The following GOLGA8J variants were observed in gnomAD, a reference collection of about 807,000 sequenced individuals.
The protein encoded by GOLGA8J is golgin A8 family member J, also known as golgin subfamily A member 8J.
Under a neutral mutation model 67.7 loss-of-function variants are expected in GOLGA8J, and 19 were observed. The ratio of observed to expected loss-of-function variants is 0.28; its 90% CI spans 0.20 to 0.41. GOLGA8J has a LOEUF of 0.41. Among genes scored for constraint, GOLGA8J ranks in the 10% least tolerant of loss-of-function variants. The pLI, the probability that GOLGA8J is intolerant of heterozygous loss-of-function variation, is 1.00. For missense variants in GOLGA8J, 205 were observed against 584.3 expected, an observed-to-expected ratio of 0.35 and a Z score of 6.69; for synonymous variants, 69 against 215.9, an observed-to-expected ratio of 0.32 and a Z score of 5.97.
rs1284902693 is a variant in GOLGA8J, at chr15:30,095,496, G to A, written c.*1997G>A. The stretch of plus-strand genomic sequence containing the variant: ...TAATGCAGCTAATTAACAGTGGTAC[G>A]ATTTGTAGCCCGTGGGTTTAAAATG... On this transcript the variant is annotated 3_prime_UTR_variant, in exon 19 of 19. Coordinates refer to ENST00000567927, the MANE Select transcript of GOLGA8J (RefSeq NM_001282472.2). 1.4e-5 allele frequency among the ~76,000 whole-genome samples: 2 copies of A among 145,426 alleles called. No homozygotes were observed. The highest frequency in any genetic ancestry group is 2.2e-4 in the South Asian group (1 of 4,542).
chr15:30,088,940 AGT>A lies in GOLGA8J; in HGVS notation c.687_688del (p.Glu229AspfsTer11), dbSNP rs2057367009. 1 of 1,518,856 alleles carries A rather than the reference AGT, an allele frequency of 6.6e-7. No individual in the cohort carries two copies. The highest frequency in any genetic ancestry group is 2.6e-5 in the African/African-American group (1 of 39,000). The allele number at this position is 1,518,856 out of a possible 1,614,324, so 94.1% of individuals were successfully genotyped here. A position where few individuals can be genotyped will look rare whatever the true frequency, so the allele number is the denominator to read the frequency against. On this transcript the variant is annotated frameshift_variant, in exon 10 of 19. Transcript: ENST00000567927. LOFTEE classifies it high-confidence loss of function. ...CTGTGCCCATTCTTGCAGTTCAAGG[AGT>A]CATTTCAACAAGTCCAATTAGAAAG...
In GOLGA8J at chr15:30,094,684, T is replaced by G. The variant is rs2057450659; in HGVS notation, c.*1185T>G. On this transcript the variant is annotated 3_prime_UTR_variant, in exon 19 of 19. Transcript: ENST00000567927. ...TCTAGACCTCTTTGGCTAATACCTATTCTTCAACCACCTTGGTTACTCTGA... is the reference window on the plus strand; with the variant it reads ...TCTAGACCTCTTTGGCTAATACCTAGTCTTCAACCACCTTGGTTACTCTGA... Among the ~76,000 whole-genome samples, 1 of 125,638 alleles carries G rather than the reference T, an allele frequency of 8.0e-6. No homozygotes were observed. Among genetic ancestry groups the G allele is most frequent in the Non-Finnish European group, 1.5e-5 (1 of 65,992 alleles). 82.4% of individuals were successfully genotyped at this position (125,638 alleles called of 152,430 possible).
At position 30,088,948 on chromosome 15, in the gene GOLGA8J, C is replaced by A. The variant is rs1802713023; in HGVS notation, c.694C>A (p.Gln232Lys). The change falls in exon 10 of 19, where the codon CAA (glutamine) becomes AAA (lysine). Residue 232 changes from glutamine (Q) to lysine (K), a missense_variant. Gln to Lys is a moderately conservative substitution (Grantham distance 53). Coordinates refer to ENST00000567927, the MANE Select transcript of GOLGA8J (RefSeq NM_001282472.2). ...VQLTQFKESF[Q>K]QVQLERDEYS... is the part of the protein sequence containing the mutation. ...ATTCTTGCAGTTCAAGGAGTCATTTCAACAAGTCCAATTAGAAAGAGATGA... is the reference window on the plus strand; with the variant it reads ...ATTCTTGCAGTTCAAGGAGTCATTTAAACAAGTCCAATTAGAAAGAGATGA... The A allele has an allele frequency of 6.6e-7, 1 of 1,517,150 alleles. No homozygotes were observed. Among genetic ancestry groups the A allele is most frequent in the African/African-American group, 2.6e-5 (1 of 38,636 alleles). The allele number at this position is 1,517,150 out of a possible 1,614,324, so 94.0% of individuals were successfully genotyped here. A position where few individuals can be genotyped will look rare whatever the true frequency, so the allele number is the denominator to read the frequency against.
At position 30,096,359 on chromosome 15, in the gene GOLGA8J, C is replaced by T. The variant is rs1198838869; in HGVS notation, c.*2860C>T. On this transcript the variant is annotated 3_prime_UTR_variant, in exon 19 of 19. Coordinates refer to ENST00000567927, the MANE Select transcript of GOLGA8J (RefSeq NM_001282472.2). ...CAGCCCTATCCATAATATAGTTTCT[C>T]TAAAACTTTATTTTAAAGAGTCATT... Among the ~76,000 whole-genome samples the T allele has an allele frequency of 1.3e-5, 2 of 150,354 alleles. No individual in the cohort carries two copies. The highest frequency in any genetic ancestry group is 2.9e-5 in the Non-Finnish European group (2 of 67,860).
chr15:30,095,508 G>A lies in GOLGA8J; in HGVS notation c.*2009G>A, dbSNP rs1334648448. ...TTAACAGTGGTACGATTTGTAGCCC[G>A]TGGGTTTAAAATGCACTTAAAGTCC... On this transcript the variant is annotated 3_prime_UTR_variant, in exon 19 of 19. Transcript: ENST00000567927. 1.4e-5 allele frequency among the ~76,000 whole-genome samples: 2 copies of A among 143,848 alleles called. No homozygotes were observed. The highest frequency in any genetic ancestry group is 2.7e-5 in the African/African-American group (1 of 37,634). The allele number at this position is 143,848 out of a possible 152,430, so 94.4% of individuals were successfully genotyped here.
Position 30,092,023 on chromosome 15 carries a change from G to T in GOLGA8J, c.1277-19G>T. 6.3e-7 allele frequency: 1 copy of T among 1,596,866 alleles called. No individual in the cohort carries two copies. Among genetic ancestry groups the T allele is most frequent in the Non-Finnish European group, 8.5e-7 (1 of 1,173,474 alleles). On this transcript the variant is annotated intron_variant, in intron 14 of 18. Coordinates refer to ENST00000567927, the MANE Select transcript of GOLGA8J (RefSeq NM_001282472.2). Reference sequence around the variant, plus strand: ...CCCTTGTTGGGTTGTCTGAAGACCCGTCTGACCACCCCCCACAGGACACGG... The same window carrying T: ...CCCTTGTTGGGTTGTCTGAAGACCCTTCTGACCACCCCCCACAGGACACGG...
At position 30,095,564 on chromosome 15, in the gene GOLGA8J, G is replaced by A. The variant is rs2057459566; in HGVS notation, c.*2065G>A. Reference sequence around the variant, plus strand: ...TCGCCTTTTATTTTCTGAACTTGCCGCTTTTGCATTCTTTGAGTTCAGTTT... The same window carrying A: ...TCGCCTTTTATTTTCTGAACTTGCCACTTTTGCATTCTTTGAGTTCAGTTT... On this transcript the variant is annotated 3_prime_UTR_variant, in exon 19 of 19. Coordinates refer to ENST00000567927, the MANE Select transcript of GOLGA8J (RefSeq NM_001282472.2). Among the ~76,000 whole-genome samples the A allele has an allele frequency of 7.7e-6, 1 of 129,092 alleles. No individual in the cohort carries two copies. The highest frequency in any genetic ancestry group is 3.1e-5 in the African/African-American group (1 of 32,198). 84.7% of individuals were successfully genotyped at this position (129,092 alleles called of 152,430 possible).
In GOLGA8J at chr15:30,089,057, C is replaced by G; in HGVS notation, c.786+17C>G. ...TCGCAGGAGGTGAGATCTGACCCTT[C>G]AGCCCCCCCACATTAGATAGGTCAC... On this transcript the variant is annotated intron_variant, in intron 10 of 18. Coordinates refer to ENST00000567927, the MANE Select transcript of GOLGA8J (RefSeq NM_001282472.2). 2 of 944,298 alleles carry G rather than the reference C, an allele frequency of 2.1e-6. No individual in the cohort carries two copies. The highest frequency in any genetic ancestry group is 3.1e-6 in the Non-Finnish European group (2 of 649,062). 58.5% of individuals were successfully genotyped at this position (944,298 alleles called of 1,614,324 possible).
At position 30,095,337 on chromosome 15, in the gene GOLGA8J, A is replaced by T. The variant is rs2057457198; in HGVS notation, c.*1838A>T. ...TACGATTTTACCGATGGAATAACAG[A>T]TTTGCTGGCATTCACTGAAAGAGTG... On this transcript the variant is annotated 3_prime_UTR_variant, in exon 19 of 19. Coordinates refer to ENST00000567927, the MANE Select transcript of GOLGA8J (RefSeq NM_001282472.2). 7.3e-6 allele frequency among the ~76,000 whole-genome samples: 1 copy of T among 137,578 alleles called. No homozygotes were observed. The highest frequency in any genetic ancestry group is 7.3e-5 in the Admixed American group (1 of 13,724). 90.3% of individuals were successfully genotyped at this position (137,578 alleles called of 152,430 possible). A position where few individuals can be genotyped will look rare whatever the true frequency, so the allele number is the denominator to read the frequency against.
rs772554663 is a variant in GOLGA8J at position 30,092,025 on chromosome 15, C to G, written c.1277-17C>G. The G allele has an allele frequency of 6.3e-6, 10 of 1,598,764 alleles. 1 individual carries two copies. The South Asian group carries it at 1.1e-4, about 18-fold the overall frequency. The stretch of plus-strand genomic sequence containing the variant: ...CTTGTTGGGTTGTCTGAAGACCCGT[C>G]TGACCACCCCCCACAGGACACGGAG... On this transcript the variant is annotated splice_polypyrimidine_tract_variant and intron_variant, in intron 14 of 18. Transcript: ENST00000567927.
intron 14 of GOLGA8J, 77 bp from the exon 15 acceptor site, chr15:30,091,965 G>T: frequency 3.3e-6 from 5 of 1,497,166 alleles, no homozygotes; most frequent in Non-Finnish European, 3.7e-6. Context: ...GTTACACAGT[G>T]AGGGTGGAGG....
rs746427366 is a variant in GOLGA8J, at chr15:30,084,847, T to C, written c.125T>C (p.Ile42Thr). 1.9e-5 allele frequency: 27 copies of C among 1,404,628 alleles called. 2 individuals are homozygous for C. The highest frequency in any genetic ancestry group is 2.2e-5 in the Non-Finnish European group (24 of 1,082,968). 87.0% of individuals were successfully genotyped at this position (1,404,628 alleles called of 1,614,324 possible). The stretch of plus-strand genomic sequence containing the variant: ...AGGAACAGGAAAACAAATGGCAGTA[T>C]CCCTGAGAAAGCCACTTCTGGTGGT... The part of the protein sequence containing the change: ...ANRNRKTNGS[I>T]PEKATSGGCQ... Residue 42 changes from isoleucine to threonine, a missense_variant, in exon 2 of 19, where the codon ATC becomes ACC. Coordinates refer to ENST00000567927, the MANE Select transcript of GOLGA8J (RefSeq NM_001282472.2).
Position 30,088,571 on chromosome 15 carries a change from T to C in GOLGA8J, c.592-169T>C, listed in dbSNP as rs549561719. 5.4e-5 allele frequency among the ~76,000 whole-genome samples: 8 copies of C among 148,004 alleles called. 1 individual carries two copies. In the East Asian group the frequency reaches 1.6e-3, roughly 29 times the overall value. On this transcript the variant is annotated intron_variant, in intron 8 of 18. Transcript: ENST00000567927. ...GCTATAAACTCAGTCTCATTCCCTGTCCGTTCCAACTTTACTGAGTTCTTT... is the reference window on the plus strand; with the variant it reads ...GCTATAAACTCAGTCTCATTCCCTGCCCGTTCCAACTTTACTGAGTTCTTT...
In GOLGA8J at chr15:30,092,808, A is replaced by G; in HGVS notation, c.1469A>G (p.Gln490Arg). 6 of 1,573,198 alleles carry G rather than the reference A, an allele frequency of 3.8e-6. No individual in the cohort carries two copies. Among genetic ancestry groups the G allele is most frequent in the South Asian group, 2.2e-5 (2 of 89,874 alleles). Residue 490 changes from glutamine (Q) to arginine (R), a missense_variant and splice_region_variant, in exon 16 of 19, where the codon CAG (glutamine) becomes CGG (arginine). Physicochemically the swap from Gln to Arg is conservative, Grantham distance 43 (BLOSUM62 1). Coordinates refer to ENST00000567927, the MANE Select transcript of GOLGA8J (RefSeq NM_001282472.2). ...FIHHWRERCHQKTHHLLSEPG... is the reference protein window; with the variant it reads ...FIHHWRERCHRKTHHLLSEPG... ...CACCACTGGCGAGAGAGATGCCATCAGTGAGTGGGAGGCCAGGGCACGGCA... is the reference window on the plus strand; with the variant it reads ...CACCACTGGCGAGAGAGATGCCATCGGTGAGTGGGAGGCCAGGGCACGGCA...
chr15:30,085,291 A>G (rs1209243969), intron 2 of GOLGA8J, among the ~76,000 whole-genome samples: 1 of 104,930 alleles, frequency 9.5e-6, no homozygotes, highest in Non-Finnish European at 1.7e-5. Flanking sequence ...AAGAAAAAAA[A>G]AAAAAGGAAT....
chr15:30,092,048 G>C lies in GOLGA8J; in HGVS notation c.1283G>C (p.Gly428Ala). The stretch of plus-strand genomic sequence containing the variant: ...GTCTGACCACCCCCCACAGGACACG[G>C]AGGAGAACATCTGGACAGTGAGGGG... The part of the protein sequence containing the change: ...SLMALPGEGH[G>A]GEHLDSEGEE... The change falls in exon 15 of 19, where the codon GGA (glycine) becomes GCA (alanine). Residue 428 changes from glycine (G) to alanine (A), a missense_variant. Physicochemically the swap from Gly to Ala is moderately conservative, Grantham distance 60. Coordinates refer to ENST00000567927, the MANE Select transcript of GOLGA8J (RefSeq NM_001282472.2). 1 of 1,594,252 alleles carries C rather than the reference G, an allele frequency of 6.3e-7. No individual in the cohort carries two copies. Among genetic ancestry groups the C allele is most frequent in the Non-Finnish European group, 8.5e-7 (1 of 1,172,688 alleles).
Position 30,091,519 on chromosome 15 carries a change from T to G in GOLGA8J, c.1201-16T>G. On this transcript the variant is annotated splice_polypyrimidine_tract_variant and intron_variant, in intron 13 of 18. Coordinates refer to ENST00000567927, the MANE Select transcript of GOLGA8J (RefSeq NM_001282472.2). ...TGGCAAACTCCACCCCTTCTCACTC[T>G]GTCCTGGCCCCTTAGGAGCACCTGG... 1 of 1,585,522 alleles carries G rather than the reference T, an allele frequency of 6.3e-7. No individual in the cohort carries two copies. Among genetic ancestry groups the G allele is most frequent in the Non-Finnish European group, 8.5e-7 (1 of 1,173,132 alleles).
chr15:30,089,926 G>A lies in GOLGA8J; in HGVS notation c.1101G>A (p.Leu367=), dbSNP rs2057379625. 6.6e-7 allele frequency: 1 copy of A among 1,511,360 alleles called. No individual in the cohort carries two copies. The highest frequency in any genetic ancestry group is 8.8e-7 in the Non-Finnish European group (1 of 1,138,660). 93.6% of individuals were successfully genotyped at this position (1,511,360 alleles called of 1,614,324 possible). The change falls in exon 12 of 19, where the codon CTG becomes CTA. Residue 367 remains leucine (L), a synonymous_variant. Transcript: ENST00000567927. ...AGCAGCACAAGAGCCTTCAGCAGCT[G>A]GCCAAGCCACAGAGCGTCTTCAAGG... The part of the protein sequence containing the change: ...IQEQHKSLQQ[L]AKPQSVFKEP...
rs765876747 is a variant in GOLGA8J, at chr15:30,092,037, C to G, written c.1277-5C>G. ...TCTGAAGACCCGTCTGACCACCCCC[C>G]ACAGGACACGGAGGAGAACATCTGG... is the stretch of plus-strand genomic sequence containing the variant. On this transcript the variant is annotated splice_region_variant and splice_polypyrimidine_tract_variant and intron_variant, in intron 14 of 18. Transcript: ENST00000567927. 1 of 1,598,460 alleles carries G rather than the reference C, an allele frequency of 6.3e-7. No individual in the cohort carries two copies. Among genetic ancestry groups the G allele is most frequent in the South Asian group, 1.1e-5 (1 of 89,772 alleles).
Sources: allele counts gnomAD v4.1 joint callset (sites outside exome capture counted in the v4.1 genomes callset), GRCh38; gene constraint gnomAD v4.1.1; transcripts MANE v1.5; gene names NCBI Gene and HGNC (gene_info 2026-07-23, HGNC 2026-07-21).